Variants in NR2F1-AS1 observed in about 807,000 individuals in gnomAD.
NR2F1-AS1 encodes the protein NR2F1 regulatory antisense RNA 1.
intron 4 of NR2F1-AS1, among the ~76,000 whole-genome samples, chr5:93,502,160 AC>A (rs749035488): frequency 3.9e-5 from 6 of 152,228 alleles, no homozygotes; most frequent in Non-Finnish European, 8.8e-5. Context: ...TGTAAACATA[AC>A]TTTTATATGC....
chr5:93,519,485 T>C (rs1049748030), intron 4 of NR2F1-AS1, among the ~76,000 whole-genome samples: 1 of 152,048 alleles, frequency 6.6e-6, no homozygotes, highest in Admixed American at 6.6e-5. Flanking sequence ...CCACACTGCA[T>C]GATGCTGAAA....
intron 4 of NR2F1-AS1, among the ~76,000 whole-genome samples, chr5:93,517,602 A>G (rs2149893741): frequency 6.6e-6 from 1 of 152,176 alleles, no homozygotes; most frequent in East Asian, 1.9e-4. Flanking sequence ...ATTGCAGAAT[A>G]TCCTCAAAGA....
chr5:93,535,078 G>A (rs1232058325), intron 4 of NR2F1-AS1, among the ~76,000 whole-genome samples: 1 of 151,798 alleles, frequency 6.6e-6, no homozygotes, highest in Non-Finnish European at 1.5e-5. Flanking sequence ...AGTATGTTAA[G>A]GAAAGTTAAC....
chr5:93,421,825 G>A (rs1749095478), intron 4 of NR2F1-AS1, among the ~76,000 whole-genome samples: 1 of 152,164 alleles, frequency 6.6e-6, no homozygotes, highest in African/African-American at 2.4e-5. Flanking sequence ...TTCACTTGGG[G>A]TAGAAATATG....
chr5:93,525,277 T>C (rs1030209150), intron 4 of NR2F1-AS1, among the ~76,000 whole-genome samples: 3 of 152,082 alleles, frequency 2.0e-5, no homozygotes, highest in Non-Finnish European at 4.4e-5. Flanking sequence ...CATTACATAA[T>C]GGTAAAAGAG....
chr5:93,559,342 G>T (rs933223308), intron 2 of NR2F1-AS1, among the ~76,000 whole-genome samples: 1 of 152,178 alleles, frequency 6.6e-6, no homozygotes, highest in Admixed American at 6.5e-5. Flanking sequence ...AAGAGAGTTA[G>T]GGCTTTGTTC....
intron 4 of NR2F1-AS1, chr5:93,438,772 AACAAGAGATTAGT>A (rs1300437058): frequency 2.6e-5 from 4 of 152,238 alleles, no homozygotes; most frequent in Admixed American, 6.5e-5. Flanking sequence ...AAGAGGAGAA[AACAAGAGATTAGT>A]CCCACTTCTA....
chr5:93,537,698 A>G (rs886110184), intron 4 of NR2F1-AS1, among the ~76,000 whole-genome samples: 9 of 152,312 alleles, frequency 5.9e-5, no homozygotes, highest in Admixed American at 1.3e-4. Context: ...CACACTGTTA[A>G]CAGGATTGTA....
chr5:93,476,918 A>C (rs1237010638), intron 4 of NR2F1-AS1, among the ~76,000 whole-genome samples: 1 of 152,188 alleles, frequency 6.6e-6, no homozygotes, highest in Non-Finnish European at 1.5e-5. Flanking sequence ...TTTTTACTAT[A>C]GGCCTTAGAG....
chr5:93,518,373 T>C (rs1751438773), intron 4 of NR2F1-AS1, among the ~76,000 whole-genome samples: 1 of 152,098 alleles, frequency 6.6e-6, no homozygotes, highest in Non-Finnish European at 1.5e-5. Context: ...ACTACAATTC[T>C]GGCTTTATCT....
At chr5:93,498,623 T>C (rs1751013734) in intron 4 of NR2F1-AS1, among the ~76,000 whole-genome samples, 1 of 151,998 alleles carries the variant, frequency 6.6e-6, no homozygotes, top group Non-Finnish European at 1.5e-5. Flanking sequence ...ATACAAAGGT[T>C]CCTCTATGGC....
chr5:93,494,890 T>C (rs921328786), intron 4 of NR2F1-AS1, among the ~76,000 whole-genome samples: 8 of 151,860 alleles, frequency 5.3e-5, no homozygotes, highest in Non-Finnish European at 1.2e-4. Flanking sequence ...GGTATTGGGG[T>C]GTGTGTGTGT....
intron 1 of NR2F1-AS1, among the ~76,000 whole-genome samples, chr5:93,565,400 A>G: frequency 6.6e-6 from 1 of 152,168 alleles, no homozygotes; most frequent in South Asian, 2.1e-4. Context: ...CATTTAAAAA[A>G]GTATTTATTT....
chr5:93,512,035 C>T (rs1349538152), intron 4 of NR2F1-AS1, among the ~76,000 whole-genome samples: 1 of 152,106 alleles, frequency 6.6e-6, no homozygotes, highest in Non-Finnish European at 1.5e-5. Flanking sequence ...TAATACTAGA[C>T]TTTTTATTGT....
intron 1 of NR2F1-AS1, among the ~76,000 whole-genome samples, chr5:93,567,742 A>C (rs565181238): frequency 6.6e-6 from 1 of 152,276 alleles, no homozygotes; most frequent in Admixed American, 6.5e-5. Context: ...TTATTTAAAG[A>C]GGATAGATTT....
At chr5:93,557,029 T>C (rs1299143178) in intron 2 of NR2F1-AS1, among the ~76,000 whole-genome samples, 4 of 152,228 alleles carry the variant, frequency 2.6e-5, no homozygotes, top group Non-Finnish European at 5.9e-5. Context: ...TGCTATTTAA[T>C]AGCTAAGCCA....
intron 4 of NR2F1-AS1, among the ~76,000 whole-genome samples, chr5:93,430,132 G>A (rs1268291720): frequency 6.6e-6 from 1 of 152,186 alleles, no homozygotes; most frequent in Non-Finnish European, 1.5e-5. Context: ...TTGGAACTTA[G>A]GAGCCACAAT....
intron 1 of NR2F1-AS1, among the ~76,000 whole-genome samples, chr5:93,564,829 T>C (rs765621747): frequency 6.6e-6 from 1 of 152,178 alleles, no homozygotes; most frequent in Non-Finnish European, 1.5e-5. Flanking sequence ...ATTGAAAACC[T>C]CATTATATCT....
chr5:93,557,246 T>C (rs1752378290), intron 2 of NR2F1-AS1, among the ~76,000 whole-genome samples: 1 of 152,212 alleles, frequency 6.6e-6, no homozygotes, highest in Non-Finnish European at 1.5e-5. Flanking sequence ...GAAAATGTGA[T>C]CTGACCCATA....
Sources: gnomAD v4.1 joint callset for allele counts (sites outside exome capture counted in the v4.1 genomes callset) on GRCh38, gnomAD v4.1.1 for gene constraint, MANE v1.5 for transcripts, NCBI Gene and HGNC (gene_info 2026-07-23, HGNC 2026-07-21) for gene names.